ANO2: variants seen among roughly 807,000 people sequenced by gnomAD.
ANO2 encodes the protein anoctamin-2.
Under a neutral mutation model 124.2 loss-of-function variants are expected in ANO2, and 101 were observed. The observed-to-expected ratio is 0.81, with a 90% CI of 0.69 to 0.96. The LOEUF (loss-of-function observed/expected upper bound fraction) is 0.96. Ranked by LOEUF, ANO2 falls within the 40% of genes least tolerant of loss-of-function variation. The probability of loss-of-function intolerance (pLI) is 0.00; values close to 1 mark genes in which losing one functional copy is unlikely to be tolerated. For synonymous variants in ANO2, 486 were observed against 482.5 expected (o/e 1.01, Z -0.09); for missense variants, 1,293 against 1,274.5 (o/e 1.01, Z -0.22).
At chr12:5,946,212 C>T, upstream of ANO2, 1 of 1,608,046 alleles carries the variant, frequency 6.2e-7, no homozygotes, top group Non-Finnish European at 8.5e-7. The surrounding 1 kb of genome is among the most constrained non-coding windows in gnomAD (Gnocchi z 4.1). Flanking sequence ...ATAGATCCCA[C>T]TTTATAGAGA....
At chr12:5,905,821 C>T (rs1940638842) in intron 3 of ANO2, among the ~76,000 whole-genome samples, 2 of 152,186 alleles carry the variant, frequency 1.3e-5, no homozygotes, top group Non-Finnish European at 2.9e-5. Flanking sequence ...CAGGGCTCAA[C>T]CTCTTTCCCC....
intron 15 of ANO2, among the ~76,000 whole-genome samples, chr12:5,639,989 G>A (rs1946248016): frequency 6.6e-6 from 1 of 152,088 alleles, no homozygotes; most frequent in Admixed American, 6.5e-5. Context: ...CTCTAGAGGA[G>A]GGACATCGCC....
rs1236265567 is a variant in ANO2, at chr12:5,807,332, G to A, written c.929C>T (p.Ala310Val). ...ACTTACGTCATGAAGAGGGTAGGCA[G>A]CCTCATAGATATTGTTTGCGATCAG... The part of the protein sequence containing the change: ...NSLIANNIYE[A>V]AYPLHDGEYD... The change falls in exon 8 of 25, where the codon GCT (alanine) becomes GTT (valine). Residue 310 changes from alanine to valine, a missense_variant. Transcript: ENST00000682330. 6.4e-7 allele frequency: 1 copy of A among 1,555,632 alleles called. No individual in the cohort carries two copies. Among genetic ancestry groups the A allele is most frequent in the South Asian group, 1.2e-5 (1 of 83,846 alleles).
intron 4 of ANO2, among the ~76,000 whole-genome samples, chr12:5,837,025 G>A (rs560949583): frequency 1.2e-4 from 19 of 152,222 alleles, no homozygotes; most frequent in Non-Finnish European, 2.6e-4. Flanking sequence ...CAGCATTGAT[G>A]ACAGCAGTTG....
At chr12:5,894,157 C>T (rs1939609040) in intron 3 of ANO2, among the ~76,000 whole-genome samples, 1 of 152,138 alleles carries the variant, frequency 6.6e-6, no homozygotes, top group African/African-American at 2.4e-5. Flanking sequence ...TCTGTTGTTT[C>T]CTGACTTTTT....
chr12:5,780,912 G>A (rs958407841), intron 10 of ANO2, among the ~76,000 whole-genome samples: 3 of 152,224 alleles, frequency 2.0e-5, no homozygotes, highest in Admixed American at 1.3e-4. Context: ...TGGCTTACAA[G>A]GAGAAGCCAA....
At chr12:5,830,330 A>T in intron 6 of ANO2, 105 bp downstream of exon 6, 1 of 1,213,814 alleles carries the variant, frequency 8.2e-7, no homozygotes, top group Non-Finnish European at 1.2e-6. Context: ...AACTCCAAGC[A>T]AATAACGGTG....
At chr12:5,945,960 G>C (rs1943084363), upstream of ANO2, among the ~76,000 whole-genome samples, 1 of 152,208 alleles carries the variant, frequency 6.6e-6, no homozygotes, top group South Asian at 2.1e-4. Flanking sequence ...GGGAAGAGGA[G>C]TGCCATCTCC....
chr12:5,661,838 G>A (rs1047237771), intron 14 of ANO2, among the ~76,000 whole-genome samples: 10 of 152,176 alleles, frequency 6.6e-5, no homozygotes, highest in Admixed American at 1.3e-4. Context: ...CCCCTCCCTC[G>A]CTGTTTTTGC....
chr12:5,628,052 AC>A (rs1209961094), intron 16 of ANO2, among the ~76,000 whole-genome samples: 1 of 152,126 alleles, frequency 6.6e-6, no homozygotes, highest in Non-Finnish European at 1.5e-5. Context: ...GTGAGTTATG[AC>A]CATGCCGCTG....
At chr12:5,915,635 C>T (rs139478288) in intron 3 of ANO2, among the ~76,000 whole-genome samples, 1 of 152,282 alleles carries the variant, frequency 6.6e-6, no homozygotes, top group Non-Finnish European at 1.5e-5. Flanking sequence ...CAGGTGGGGC[C>T]ACCGCACCTA....
chr12:5,712,507 G>A (rs1049157367), intron 14 of ANO2, among the ~76,000 whole-genome samples: 3 of 152,184 alleles, frequency 2.0e-5, no homozygotes, highest in African/African-American at 7.2e-5. Context: ...GGCTGGAAGA[G>A]GCAAAGATGG....
At chr12:5,773,573 T>A (rs1368281919) in intron 10 of ANO2, among the ~76,000 whole-genome samples, 1 of 152,226 alleles carries the variant, frequency 6.6e-6, no homozygotes, top group African/African-American at 2.4e-5. Context: ...ATCATCTTTA[T>A]CATCGTGCTA....
chr12:5,627,394 A>G (rs1331222046), intron 16 of ANO2, among the ~76,000 whole-genome samples: 2 of 152,168 alleles, frequency 1.3e-5, no homozygotes, highest in African/African-American at 4.8e-5. Flanking sequence ...TTCAGGCCAG[A>G]TTGCAAATGA....
intron 1 of ANO2, among the ~76,000 whole-genome samples, chr12:5,941,975 A>G (rs1254807588): frequency 6.6e-6 from 1 of 152,206 alleles, no homozygotes; most frequent in East Asian, 1.9e-4. Context: ...AAGTTGAGAG[A>G]ATGTCACCAG....
At chr12:5,707,228 T>C (rs564456760) in intron 14 of ANO2, among the ~76,000 whole-genome samples, 1 of 152,248 alleles carries the variant, frequency 6.6e-6, no homozygotes, top group Non-Finnish European at 1.5e-5. Flanking sequence ...TGCCGCCATA[T>C]AAGATGTGCT....
chr12:5,814,886 C>T (rs1953553839), intron 7 of ANO2, among the ~76,000 whole-genome samples: 2 of 152,208 alleles, frequency 1.3e-5, no homozygotes, highest in South Asian at 4.1e-4. Context: ...AAAGTTCTAG[C>T]TGTGTGTATG....
intron 10 of ANO2, among the ~76,000 whole-genome samples, chr12:5,761,515 A>G (rs1280843817): frequency 6.6e-6 from 1 of 152,204 alleles, no homozygotes; most frequent in East Asian, 1.9e-4. Flanking sequence ...GCCCTTTTAT[A>G]AACTAGTGAG....
intron 7 of ANO2, among the ~76,000 whole-genome samples, chr12:5,825,085 C>T (rs1255092164): frequency 1.3e-5 from 2 of 152,128 alleles, no homozygotes; most frequent in African/African-American, 2.4e-5. Context: ...AACTACCATC[C>T]GTGGACTCAT....
Sources: allele counts gnomAD v4.1 joint callset (sites outside exome capture counted in the v4.1 genomes callset), GRCh38; gene constraint gnomAD v4.1.1; non-coding constraint Gnocchi (gnomAD v3.1); transcripts MANE v1.5; gene names NCBI Gene and HGNC (gene_info 2026-07-23, HGNC 2026-07-21).